Variants in PTDSS1 observed in about 807,000 individuals in gnomAD.
The protein encoded by PTDSS1 is PSS-1.
PTDSS1 carries 45 observed loss-of-function variants against 70.5 expected under a neutral mutation model. The observed-to-expected ratio is 0.64, with a 90% confidence interval of 0.50 to 0.82. The LOEUF is 0.82. Ranked by LOEUF, PTDSS1 falls within the 40% of genes least tolerant of loss-of-function variation. The pLI is 0.00. For synonymous variants in PTDSS1, 188 were observed against 203.8 expected, an observed-to-expected ratio of 0.92 and a Z score of 0.66; for missense variants, 417 against 586.1, an observed-to-expected ratio of 0.71 and a Z score of 2.98.
rs369165338 is a variant in PTDSS1 at position 96,330,328 on chromosome 8, C to T, written c.1242+47C>T. On this transcript the variant is annotated intron_variant, in intron 11 of 12. Transcript: ENST00000517309. ...TGGCCATTGTTTAAAATAATCACCC[C>T]GGGCTCGGCAAATTCGCTCAGAGCA... is the stretch of plus-strand genomic sequence containing the variant. The T allele has an allele frequency of 1.6e-5, 25 of 1,551,848 alleles. No homozygotes were observed. The African/African-American group carries it at 1.9e-4, about 12-fold the overall frequency.
chr8:96,306,408 AG>A (rs763448333), intron 7 of PTDSS1, 35 bp from the exon 8 acceptor site: 16 of 1,409,162 alleles, frequency 1.1e-5, no homozygotes, highest in Non-Finnish European at 1.6e-5. Context: ...AATTAGCATG[AG>A]GTACCAGGTT....
intron 9 of PTDSS1, among the ~76,000 whole-genome samples, chr8:96,316,592 A>G (rs1278562193): frequency 2.6e-5 from 4 of 152,154 alleles, no homozygotes; most frequent in African/African-American, 9.7e-5. Context: ...TGGGAAAACT[A>G]CTTGCTGGGT....
At position 96,296,132 on chromosome 8, in the gene PTDSS1, CTTTTTTTTTTT is replaced by C. The variant is rs34559310; in HGVS notation, c.600+892_600+902del. ...TGCGTGTCTGAGCCTTCATGGTGTT[CTTTTTTTTTTT>C]TTTTTTTTTTTTTTTGCGACAGAGT... On this transcript the variant is annotated intron_variant, in intron 5 of 12. Coordinates refer to ENST00000517309, the MANE Select transcript of PTDSS1 (RefSeq NM_014754.3). Among the ~76,000 whole-genome samples the C allele has an allele frequency of 1.2e-3, 66 of 54,280 alleles. No homozygotes were observed. The South Asian group carries it at 0.037, about 31-fold the overall frequency. The allele number at this position is 54,280 out of a possible 152,430, so 35.6% of individuals were successfully genotyped here.
intron 2 of PTDSS1, among the ~76,000 whole-genome samples, chr8:96,274,109 G>A (rs753473008): frequency 2.7e-5 from 4 of 150,004 alleles, no homozygotes; most frequent in South Asian, 2.1e-4. Flanking sequence ...CGCCGTAGCC[G>A]TAGCCACTTC....
intron 4 of PTDSS1, among the ~76,000 whole-genome samples, chr8:96,292,178 TAATCCCAGC>T (rs1385089540): frequency 6.7e-6 from 1 of 148,746 alleles, no homozygotes; most frequent in East Asian, 2.0e-4. Flanking sequence ...CACGCACCTG[TAATCCCAGC>T]TACTCGGGAG....
At chr8:96,273,041 T>A (rs1467988129) in intron 1 of PTDSS1, among the ~76,000 whole-genome samples, 2 of 152,194 alleles carry the variant, frequency 1.3e-5, no homozygotes, top group East Asian at 3.8e-4. Context: ...GAAGGTAAAG[T>A]GTGTCTGATT....
In PTDSS1 at chr8:96,275,897, A is replaced by C. The variant is rs540498131; in HGVS notation, c.271+2507A>C. On this transcript the variant is annotated intron_variant, in intron 2 of 12. Coordinates refer to ENST00000517309, the MANE Select transcript of PTDSS1 (RefSeq NM_014754.3). ...TTATTGGTCTGTGCCCTCTATTCCT[A>C]CTTTTCTCTTATTTCTCTTATGTCC... 1.3e-3 allele frequency among the ~76,000 whole-genome samples: 205 copies of C among 151,892 alleles called. 1 individual carries two copies. The highest frequency in any genetic ancestry group is 2.4e-3 in the Admixed American group (36 of 15,272).
At chr8:96,320,477 T>A (rs528663182) in intron 10 of PTDSS1, 132 bp downstream of exon 10, 2 of 813,636 alleles carry the variant, frequency 2.5e-6, no homozygotes, top group Admixed American at 4.9e-5. Flanking sequence ...CTACTTGTAA[T>A]TGTCTGAGAC....
In PTDSS1 at chr8:96,290,869, AAT is replaced by A. The variant is rs971913676; in HGVS notation, c.441+3726_441+3727del. 1.4e-3 allele frequency among the ~76,000 whole-genome samples: 202 copies of A among 146,072 alleles called. 1 individual carries two copies. The highest frequency in any genetic ancestry group is 5.0e-3 in the African/African-American group (198 of 39,216). On this transcript the variant is annotated intron_variant, in intron 4 of 12. Coordinates refer to ENST00000517309, the MANE Select transcript of PTDSS1 (RefSeq NM_014754.3). Reference sequence around the variant, plus strand: ...ATATTATAAAATATTATATAATATAAATATTCATAAAATATATATTATAAATA... The same window carrying A: ...ATATTATAAAATATTATATAATATAAATTCATAAAATATATATTATAAATA...
chr8:96,325,328 T>G (rs1210676424), intron 10 of PTDSS1, among the ~76,000 whole-genome samples: 2 of 152,176 alleles, frequency 1.3e-5, no homozygotes, highest in Non-Finnish European at 2.9e-5. Context: ...ACATGCAAAC[T>G]AATTATGTTA....
intron 10 of PTDSS1, among the ~76,000 whole-genome samples, chr8:96,328,897 G>C (rs895850300): frequency 6.6e-6 from 1 of 152,098 alleles, no homozygotes; most frequent in Non-Finnish European, 1.5e-5. Context: ...TACATGGATG[G>C]AGAAATAAAG....
intron 4 of PTDSS1, among the ~76,000 whole-genome samples, chr8:96,293,018 TGGA>T (rs1328885084): frequency 6.6e-6 from 1 of 152,150 alleles, no homozygotes; most frequent in African/African-American, 2.4e-5. Flanking sequence ...TGTGTAGTAG[TGGA>T]GATCCTTCTA....
Position 96,335,090 on chromosome 8 carries a change from C to T in PTDSS1, c.*1524C>T, listed in dbSNP as rs62514611. ...TGCGGGAGTGGAGAAGCGTCAGTGG[C>T]AGCTCCGCTCACTTGGTGAGTGAGG... On this transcript the variant is annotated 3_prime_UTR_variant, in exon 13 of 13. Transcript: ENST00000517309. 0.13 allele frequency: 20,276 copies of T among 152,104 alleles called. 1,558 individuals carry two copies. The highest frequency in any genetic ancestry group is 0.23 in the Middle Eastern group (69 of 294). The allele number at this position is 152,104 out of a possible 1,614,324, so 9.4% of individuals were successfully genotyped here.
chr8:96,283,190 C>A (rs907842515), intron 2 of PTDSS1, among the ~76,000 whole-genome samples: 1 of 152,158 alleles, frequency 6.6e-6, no homozygotes, highest in African/African-American at 2.4e-5. Context: ...ATTGTCACTG[C>A]AAAATGAGCC....
chr8:96,305,481 C>A (rs960559783), intron 7 of PTDSS1, among the ~76,000 whole-genome samples: 1 of 152,228 alleles, frequency 6.6e-6, no homozygotes, highest in African/African-American at 2.4e-5. Context: ...ACGTCCCAGC[C>A]ACAAGATATT....
intron 9 of PTDSS1, among the ~76,000 whole-genome samples, chr8:96,315,735 C>G (rs996972701): frequency 6.6e-6 from 1 of 152,154 alleles, no homozygotes; most frequent in Non-Finnish European, 1.5e-5. Flanking sequence ...GCCTTTTAAC[C>G]CTGCTAAACC....
chr8:96,265,166 G>T (rs1178274990), intron 1 of PTDSS1, among the ~76,000 whole-genome samples: 2 of 152,148 alleles, frequency 1.3e-5, no homozygotes, highest in Non-Finnish European at 1.5e-5. Flanking sequence ...TAAGATTTTA[G>T]TTGGACAATT....
rs576234788 is a variant in PTDSS1, at chr8:96,308,368, G to A, written c.1008-1189G>A. Among the ~76,000 whole-genome samples, 44 of 152,280 alleles carry A rather than the reference G, an allele frequency of 2.9e-4. No individual in the cohort carries two copies. In the Middle Eastern group the frequency reaches 0.017, roughly 59 times the overall value. On this transcript the variant is annotated intron_variant, in intron 8 of 12. Coordinates refer to ENST00000517309, the MANE Select transcript of PTDSS1 (RefSeq NM_014754.3). ...TTAGAATTCTTCACTCTGGTCTTTG[G>A]GGTGAGACGACAGTAGTTTATGGAT... is the stretch of plus-strand genomic sequence containing the variant.
At chr8:96,283,111 AACAG>A (rs1306315884) in intron 2 of PTDSS1, among the ~76,000 whole-genome samples, 1 of 152,232 alleles carries the variant, frequency 6.6e-6, no homozygotes, top group Non-Finnish European at 1.5e-5. Context: ...GGGCTAGAGA[AACAG>A]AGAGAGAGGA....
Sources: allele counts gnomAD v4.1 joint callset (sites outside exome capture counted in the v4.1 genomes callset), GRCh38; gene constraint gnomAD v4.1.1; transcripts MANE v1.5; gene names NCBI Gene and HGNC (gene_info 2026-07-23, HGNC 2026-07-21).